Variants in TEX44 observed in about 807,000 individuals in gnomAD.
TEX44 encodes testis expressed 44.
For synonymous variants in TEX44, 196 were observed against 205.9 expected (o/e 0.95, Z 0.41); for missense variants, 487 against 509.6 (o/e 0.96, Z 0.43).
chr2:231,594,192 T>C lies in TEX44; in HGVS notation c.*53T>C. 1 of 1,491,744 alleles carries C rather than the reference T, an allele frequency of 6.7e-7. No individual in the cohort carries two copies. The highest frequency in any genetic ancestry group is 2.4e-5 in the East Asian group (1 of 42,446). The allele number at this position is 1,491,744 out of a possible 1,614,324, so 92.4% of individuals were successfully genotyped here. A position where few individuals can be genotyped will look rare whatever the true frequency, so the allele number is the denominator to read the frequency against. ...TGGTTCAGTGGCCTCCAGAGATCCC[T>C]GGGACCCTCACGCCCTGCTCCCTTG... On this transcript the variant is annotated 3_prime_UTR_variant, in exon 1 of 1. Transcript: ENST00000313965.
Position 231,593,870 on chromosome 2 carries a change from A to T in TEX44, c.919A>T (p.Thr307Ser). 6.2e-7 allele frequency: 1 copy of T among 1,610,456 alleles called. No individual in the cohort carries two copies. The highest frequency in any genetic ancestry group is 1.1e-5 in the South Asian group (1 of 91,080). ...GACCACCATGGGCATGGCCATAGCCACAGGCTTCCTGGATTCCGGCCACAG... is the reference window on the plus strand; with the variant it reads ...GACCACCATGGGCATGGCCATAGCCTCAGGCTTCCTGGATTCCGGCCACAG... ...SETTMGMAIA[T>S]GFLDSGHSTV... The change falls in exon 1 of 1, where the codon ACA becomes TCA. Residue 307 changes from threonine to serine, a missense_variant. Transcript: ENST00000313965.
Position 231,594,042 on chromosome 2 carries a change from T to C in TEX44, c.1091T>C (p.Val364Ala). 6.2e-7 allele frequency: 1 copy of C among 1,612,812 alleles called. No individual in the cohort carries two copies. ...ACCATCACCCGTGTGCTGGAGACAG[T>C]GGAGCAGAGGACCGTGGAGGGCATC... The part of the protein sequence containing the change: ...LRTITRVLET[V>A]EQRTVEGIRS... Residue 364 changes from valine to alanine, a missense_variant, in exon 1 of 1, where the codon GTG becomes GCG. Physicochemically the swap from Val to Ala is moderately conservative, Grantham distance 64 (BLOSUM62 0). Transcript: ENST00000313965.
rs749427519 is a variant in TEX44, at chr2:231,593,344, A to G, written c.393A>G (p.Lys131=). 1 of 1,614,090 alleles carries G rather than the reference A, an allele frequency of 6.2e-7. No individual in the cohort carries two copies. The highest frequency in any genetic ancestry group is 1.3e-5 in the African/African-American group (1 of 74,928). Residue 131 remains lysine (K), a synonymous_variant, in exon 1 of 1, where the codon AAA becomes AAG. Transcript: ENST00000313965. ...LVVFPSHLLG[K]DKMSQMASVP... ...TTTTCCCAAGTCACCTCCTGGGTAAAGACAAGATGTCACAAATGGCGAGTG... is the reference window on the plus strand; with the variant it reads ...TTTTCCCAAGTCACCTCCTGGGTAAGGACAAGATGTCACAAATGGCGAGTG...
chr2:231,593,166 C>T lies in TEX44; in HGVS notation c.215C>T (p.Ala72Val). Residue 72 changes from alanine (A) to valine (V), a missense_variant, in exon 1 of 1, where the codon GCA (alanine) becomes GTA (valine). Coordinates refer to ENST00000313965, the MANE Select transcript of TEX44 (RefSeq NM_152614.3). ...ISTSGDKDKS[A>V]VVPEHGQKTP... ...ACATCTGGAGACAAAGACAAGAGTGCAGTTGTTCCAGAACACGGCCAGAAG... is the reference window on the plus strand; with the variant it reads ...ACATCTGGAGACAAAGACAAGAGTGTAGTTGTTCCAGAACACGGCCAGAAG... 1 of 1,614,152 alleles carries T rather than the reference C, an allele frequency of 6.2e-7. No homozygotes were observed. Among genetic ancestry groups the T allele is most frequent in the Non-Finnish European group, 8.5e-7 (1 of 1,180,030 alleles).
rs1478359640 is a variant in TEX44, at chr2:231,593,092, G to A, written c.141G>A (p.Gln47=). ...VSSSVASTDW[Q]DIDQASFKTA... Reference sequence around the variant, plus strand: ...GCTCTGTCGCATCCACTGACTGGCAGGATATAGATCAGGCCTCCTTCAAGA... The same window carrying A: ...GCTCTGTCGCATCCACTGACTGGCAAGATATAGATCAGGCCTCCTTCAAGA... The change falls in exon 1 of 1, where the codon CAG becomes CAA. Residue 47 remains glutamine (Q), a synonymous_variant. Transcript: ENST00000313965. The A allele has an allele frequency of 1.9e-6, 3 of 1,614,158 alleles. No individual in the cohort carries two copies. The highest frequency in any genetic ancestry group is 2.5e-6 in the Non-Finnish European group (3 of 1,180,034).
At chr2:231,593,114 A>AAGAC in the TEX44 span, 4 of 1,614,156 alleles carry the variant, frequency 2.5e-6, no homozygotes, top group Non-Finnish European at 3.4e-6. Context: ...GGCCTCCTTC[A>AAGAC]AGACGGCCAC....
rs751827750 is a variant in TEX44 at position 231,593,564 on chromosome 2, C to CCTGAAG, written c.622_627dup (p.Glu208_Ala209dup). ...AGCTGAGCATCCAAAGGCCCCACAC[C>CCTGAAG]CTGAAGCTGAAGCTTTACCATCTGA... is the stretch of plus-strand genomic sequence containing the variant. On this transcript the variant is annotated inframe_insertion, in exon 1 of 1. Transcript: ENST00000313965. 1 of 1,613,934 alleles carries CCTGAAG rather than the reference C, an allele frequency of 6.2e-7. No individual in the cohort carries two copies. Among genetic ancestry groups the CCTGAAG allele is most frequent in the Non-Finnish European group, 8.5e-7 (1 of 1,179,958 alleles).
chr2:231,593,561 C>T lies in TEX44; in HGVS notation c.610C>T (p.His204Tyr). 2 of 1,613,964 alleles carry T rather than the reference C, an allele frequency of 1.2e-6. No homozygotes were observed. Among genetic ancestry groups the T allele is most frequent in the South Asian group, 1.1e-5 (1 of 91,088 alleles). The change falls in exon 1 of 1, where the codon CAC (histidine) becomes TAC (tyrosine). Residue 204 changes from histidine (H) to tyrosine (Y), a missense_variant. Coordinates refer to ENST00000313965, the MANE Select transcript of TEX44 (RefSeq NM_152614.3). ...EEKAEHPKAPHPEAEALPSDE... is the reference protein window; with the variant it reads ...EEKAEHPKAPYPEAEALPSDE... ...GAAAGCTGAGCATCCAAAGGCCCCACACCCTGAAGCTGAAGCTTTACCATC... is the reference window on the plus strand; with the variant it reads ...GAAAGCTGAGCATCCAAAGGCCCCATACCCTGAAGCTGAAGCTTTACCATC...
Position 231,593,448 on chromosome 2 carries a change from C to T in TEX44, c.497C>T (p.Pro166Leu). The T allele has an allele frequency of 6.2e-7, 1 of 1,614,218 alleles. No individual in the cohort carries two copies. The highest frequency in any genetic ancestry group is 8.5e-7 in the Non-Finnish European group (1 of 1,180,040). Reference protein sequence around the residue: ...LQSTQHMEAQPVESDADHVTA... With the variant: ...LQSTQHMEAQLVESDADHVTA... ...TCCACCCAGCACATGGAGGCTCAGC[C>T]CGTCGAGAGTGATGCTGACCATGTC... Residue 166 changes from proline (P) to leucine (L), a missense_variant, in exon 1 of 1, where the codon CCC becomes CTC. Pro to Leu is a moderately conservative substitution (Grantham distance 98). Coordinates refer to ENST00000313965, the MANE Select transcript of TEX44 (RefSeq NM_152614.3).
At position 231,593,774 on chromosome 2, in the gene TEX44, T is replaced by A; in HGVS notation, c.823T>A (p.Ser275Thr). The A allele has an allele frequency of 6.2e-7, 1 of 1,611,242 alleles. No individual in the cohort carries two copies. Among genetic ancestry groups the A allele is most frequent in the Non-Finnish European group, 8.5e-7 (1 of 1,180,016 alleles). Residue 275 changes from serine to threonine, a missense_variant, in exon 1 of 1, where the codon TCC becomes ACC. By Grantham distance (58) the Ser-to-Thr change is moderately conservative (BLOSUM62 1). Transcript: ENST00000313965. ...TASEENSYMR[S>T]MTSLLDRGEG... is the part of the protein sequence containing the mutation. Reference sequence around the variant, plus strand: ...CAGTGAGGAGAACAGCTACATGCGCTCCATGACCAGCCTGCTGGACAGGGG... The same window carrying A: ...CAGTGAGGAGAACAGCTACATGCGCACCATGACCAGCCTGCTGGACAGGGG...
chr2:231,593,551 AAAGGCCCCACACCCTG>A, the TEX44 span: 43 of 1,613,922 alleles, frequency 2.7e-5, no homozygotes, highest in Non-Finnish European at 3.5e-5. Flanking sequence ...CTGAGCATCC[AAAGGCCCCACACCCTG>A]AAGCTGAAGC....
rs1006665261 is a variant in TEX44 at position 231,592,941 on chromosome 2, C to G, written c.-11C>G. ...CCTAGGGGGAGGCCGGCTCCACCAG[C>G]AGCCCCATACATGGCACTCCCAGGG... On this transcript the variant is annotated 5_prime_UTR_variant, in exon 1 of 1. Transcript: ENST00000313965. The G allele has an allele frequency of 4.7e-5, 76 of 1,601,672 alleles. No individual in the cohort carries two copies. The highest frequency in any genetic ancestry group is 6.3e-5 in the Non-Finnish European group (74 of 1,169,246).
chr2:231,593,365 G>T lies in TEX44; in HGVS notation c.414G>T (p.Ala138=). The T allele has an allele frequency of 6.2e-7, 1 of 1,614,130 alleles. No homozygotes were observed. The highest frequency in any genetic ancestry group is 8.5e-7 in the Non-Finnish European group (1 of 1,180,040). The change falls in exon 1 of 1, where the codon GCG becomes GCT. Residue 138 remains alanine (A), a synonymous_variant. Transcript: ENST00000313965. ...LLGKDKMSQM[A]SVPEREPESA... is the part of the protein sequence containing the mutation. ...GTAAAGACAAGATGTCACAAATGGC[G>T]AGTGTTCCTGAGAGAGAGCCGGAGT...
At position 231,593,965 on chromosome 2, in the gene TEX44, C is replaced by T; in HGVS notation, c.1014C>T (p.Val338=). The T allele has an allele frequency of 1.2e-6, 2 of 1,610,050 alleles. No homozygotes were observed. The change falls in exon 1 of 1, where the codon GTC becomes GTT. Residue 338 remains valine (V), a synonymous_variant. Coordinates refer to ENST00000313965, the MANE Select transcript of TEX44 (RefSeq NM_152614.3). ...CGGTCCCCAGCCTGGTGGGAAGCGT[C>T]AGCTCGGCCTTCTCCTCTGGGCTGG... ...LRSVPSLVGS[V]SSAFSSGLVS... is the part of the protein sequence containing the mutation.
In TEX44 at chr2:231,593,954, G is replaced by A; in HGVS notation, c.1003G>A (p.Val335Met). Residue 335 changes from valine (V) to methionine (M), a missense_variant, in exon 1 of 1, where the codon GTG becomes ATG. Val to Met is a conservative substitution (Grantham distance 21). Coordinates refer to ENST00000313965, the MANE Select transcript of TEX44 (RefSeq NM_152614.3). ...CAGCTTGCGCTCGGTCCCCAGCCTG[G>A]TGGGAAGCGTCAGCTCGGCCTTCTC... is the stretch of plus-strand genomic sequence containing the variant. Reference protein sequence around the residue: ...GPSLRSVPSLVGSVSSAFSSG... With the variant: ...GPSLRSVPSLMGSVSSAFSSG... 1 of 1,609,900 alleles carries A rather than the reference G, an allele frequency of 6.2e-7. No homozygotes were observed. Among genetic ancestry groups the A allele is most frequent in the Non-Finnish European group, 8.5e-7 (1 of 1,179,990 alleles).
At position 231,592,960 on chromosome 2, in the gene TEX44, C is replaced by T. The variant is rs767766065; in HGVS notation, c.9C>T (p.Leu3=). 2 of 1,613,686 alleles carry T rather than the reference C, an allele frequency of 1.2e-6. No homozygotes were observed. The highest frequency in any genetic ancestry group is 1.1e-5 in the South Asian group (1 of 91,074). Residue 3 remains leucine (L), a synonymous_variant, in exon 1 of 1, where the codon CTC becomes CTT. Transcript: ENST00000313965. MA[L]PGYPLGNVDD... is the part of the protein sequence containing the mutation. ...CACCAGCAGCCCCATACATGGCACTCCCAGGGTACCCCCTGGGCAACGTGG... is the reference window on the plus strand; with the variant it reads ...CACCAGCAGCCCCATACATGGCACTTCCAGGGTACCCCCTGGGCAACGTGG...
rs899890447 is a variant in TEX44 at position 231,594,204 on chromosome 2, G to T, written c.*65G>T. The T allele has an allele frequency of 2.2e-6, 3 of 1,370,862 alleles. No individual in the cohort carries two copies. Among genetic ancestry groups the T allele is most frequent in the Non-Finnish European group, 3.0e-6 (3 of 995,814 alleles). The allele number at this position is 1,370,862 out of a possible 1,614,324, so 84.9% of individuals were successfully genotyped here. On this transcript the variant is annotated 3_prime_UTR_variant, in exon 1 of 1. Transcript: ENST00000313965. ...CTCCAGAGATCCCTGGGACCCTCAC[G>T]CCCTGCTCCCTTGCCCATTCTTGCT...
rs187659178 is a variant in TEX44 at position 231,594,122 on chromosome 2, G to A, written c.1171G>A (p.Asp391Asn). The A allele has an allele frequency of 2.5e-6, 4 of 1,612,228 alleles. No homozygotes were observed. The Admixed American group carries it at 5.0e-5, about 20-fold the overall frequency. The change falls in exon 1 of 1, where the codon GAC becomes AAC. Residue 391 changes from aspartate to asparagine, a missense_variant. By Grantham distance (23) the Asp-to-Asn change is conservative. Coordinates refer to ENST00000313965, the MANE Select transcript of TEX44 (RefSeq NM_152614.3). ...CCTCACCCCACGCCAGGCCCAGGCT[G>A]ACCCCAACTATGATTAGAGCCCTGC... ...SHLTPRQAQA[D>N]PNYD
Position 231,593,101 on chromosome 2 carries a change from T to G in TEX44, c.150T>G (p.Asp50Glu). The change falls in exon 1 of 1, where the codon GAT (aspartate) becomes GAG (glutamate). Residue 50 changes from aspartate (D) to glutamate (E), a missense_variant. By Grantham distance (45) the Asp-to-Glu change is conservative. Coordinates refer to ENST00000313965, the MANE Select transcript of TEX44 (RefSeq NM_152614.3). ...CATCCACTGACTGGCAGGATATAGATCAGGCCTCCTTCAAGACGGCCACCC... is the reference window on the plus strand; with the variant it reads ...CATCCACTGACTGGCAGGATATAGAGCAGGCCTCCTTCAAGACGGCCACCC... ...SVASTDWQDI[D>E]QASFKTATPR... is the part of the protein sequence containing the mutation. 6.2e-7 allele frequency: 1 copy of G among 1,614,026 alleles called. No individual in the cohort carries two copies. The highest frequency in any genetic ancestry group is 2.2e-5 in the East Asian group (1 of 44,872).
Sources: allele counts gnomAD v4.1 joint callset, GRCh38; gene constraint gnomAD v4.1.1; transcripts MANE v1.5; gene names NCBI Gene and HGNC (gene_info 2026-07-23, HGNC 2026-07-21).